ADAMTS14: variants seen among roughly 807,000 people sequenced by gnomAD.
ADAMTS14 encodes the protein ADAM metallopeptidase with thrombospondin type 1 motif 14, also known as A disintegrin and metalloproteinase with thrombospondin motifs 14.
In ADAMTS14, 100 loss-of-function variants were observed where a neutral mutation model predicts 128.6. The ratio of observed to expected loss-of-function variants is 0.78; its 90% confidence interval spans 0.66 to 0.92. ADAMTS14 has a LOEUF of 0.92. Among genes scored for constraint, ADAMTS14 ranks in the 40% least tolerant of loss-of-function variants. The pLI is 0.00. For synonymous variants in ADAMTS14, 665 were observed against 653.8 expected, an observed-to-expected ratio of 1.02 and a Z score of -0.26; for missense variants, 1,562 against 1,658.6, an observed-to-expected ratio of 0.94 and a Z score of 1.01.
rs764159665 is a variant in ADAMTS14 at position 70,753,905 on chromosome 10, G to A, written c.2835G>A (p.Lys945=). The A allele has an allele frequency of 1.9e-6, 3 of 1,591,658 alleles. No homozygotes were observed. The highest frequency in any genetic ancestry group is 1.8e-5 in the Admixed American group (1 of 56,382). ...CLLPLSNGTH[K]VMPAKACAGD... ...TGCCCCTCTCCAATGGAACCCACAAGGTCATGCCGGCCAAAGCCTGCGCCG... is the reference window on the plus strand; with the variant it reads ...TGCCCCTCTCCAATGGAACCCACAAAGTCATGCCGGCCAAAGCCTGCGCCG... Residue 945 remains lysine, a synonymous_variant, in exon 19 of 22, where the codon AAG becomes AAA. Coordinates refer to ENST00000373207, the MANE Select transcript of ADAMTS14 (RefSeq NM_080722.4).
intron 15 of ADAMTS14, among the ~76,000 whole-genome samples, chr10:70,747,482 G>C (rs371751587): frequency 6.6e-5 from 10 of 152,138 alleles, no homozygotes; most frequent in African/African-American, 2.4e-4. Context: ...GGGGCCGGGG[G>C]AGGGAAGGGG....
rs2132516301 is a variant in ADAMTS14, at chr10:70,672,726, C to A, written c.-77C>A. 2.2e-6 allele frequency: 3 copies of A among 1,392,598 alleles called. No homozygotes were observed. Among genetic ancestry groups the A allele is most frequent in the East Asian group, 3.1e-5 (1 of 32,388 alleles). The allele number at this position is 1,392,598 out of a possible 1,614,324, so 86.3% of individuals were successfully genotyped here. On this transcript the variant is annotated 5_prime_UTR_variant, in exon 1 of 22. Coordinates refer to ENST00000373207, the MANE Select transcript of ADAMTS14 (RefSeq NM_080722.4). The stretch of plus-strand genomic sequence containing the variant: ...CAGCCGGTGCTCCGACAGCCCGGGG[C>A]GCACCCTAGCCTCGCCGCCCTCAGC...
chr10:70,684,653 C>T lies in ADAMTS14; in HGVS notation c.522+9658C>T, dbSNP rs569848996. On this transcript the variant is annotated intron_variant, in intron 2 of 21. Coordinates refer to ENST00000373207, the MANE Select transcript of ADAMTS14 (RefSeq NM_080722.4). Reference sequence around the variant, plus strand: ...ATGCACTTAAAGTGCTGCCACAGTGCCTGGAGAAATAAAAGTTAGCATTTC... The same window carrying T: ...ATGCACTTAAAGTGCTGCCACAGTGTCTGGAGAAATAAAAGTTAGCATTTC... Among the ~76,000 whole-genome samples, 20 of 152,334 alleles carry T rather than the reference C, an allele frequency of 1.3e-4. No homozygotes were observed. In the South Asian group the frequency reaches 2.1e-3, roughly 16 times the overall value.
rs994770412 is a variant in ADAMTS14, at chr10:70,760,885, C to T, written c.*32C>T. ...CCCTGCCATCCCACTGGCACGTTTA[C>T]ACTCTGTGTACTGCCCCGTGACTCC... On this transcript the variant is annotated 3_prime_UTR_variant, in exon 22 of 22. Transcript: ENST00000373207. 6.5e-7 allele frequency: 1 copy of T among 1,541,520 alleles called. No homozygotes were observed. The highest frequency in any genetic ancestry group is 1.9e-5 in the Admixed American group (1 of 51,330).
At chr10:70,728,450 A>T (rs1008466860) in intron 4 of ADAMTS14, among the ~76,000 whole-genome samples, 12 of 152,224 alleles carry the variant, frequency 7.9e-5, no homozygotes, top group African/African-American at 2.7e-4. Flanking sequence ...AAAACAAAAA[A>T]GCTGGAGTAT....
Position 70,674,959 on chromosome 10 carries a change from TG to T in ADAMTS14, c.490del (p.Ala164GlnfsTer125). On this transcript the variant is annotated frameshift_variant, in exon 2 of 22. Transcript: ENST00000373207. LOFTEE classifies it high-confidence loss of function. ...ACACTGGAGGTGTCACTGGAATGCC[TG>T]GGGCAGCTGTTGCCATCAGCAACTG... ...VYTGGVTGMP[G>X]AAVAISNCDG... The T allele has an allele frequency of 6.2e-7, 1 of 1,613,028 alleles. No homozygotes were observed. The highest frequency in any genetic ancestry group is 8.5e-7 in the Non-Finnish European group (1 of 1,180,000).
At chr10:70,683,260 A>C (rs955985905) in intron 2 of ADAMTS14, among the ~76,000 whole-genome samples, 1 of 152,214 alleles carries the variant, frequency 6.6e-6, no homozygotes, top group Non-Finnish European at 1.5e-5. Flanking sequence ...TTCAGGGTGC[A>C]CACCCTCTCT....
chr10:70,741,209 C>A (rs759444748), intron 12 of ADAMTS14, 47 bp downstream of exon 12: 2 of 1,590,630 alleles, frequency 1.3e-6, no homozygotes, highest in Non-Finnish European at 1.7e-6. Context: ...TAGGCATCTG[C>A]GGGGGCTGTG....
chr10:70,753,449 C>T (rs1189322419), intron 18 of ADAMTS14, among the ~76,000 whole-genome samples: 19 of 152,186 alleles, frequency 1.2e-4, no homozygotes, highest in Non-Finnish European at 2.5e-4. Context: ...ACAGTGCTTG[C>T]GCCAGTGGGC....
chr10:70,708,022 A>G (rs539753042), intron 3 of ADAMTS14, among the ~76,000 whole-genome samples: 129 of 152,310 alleles, frequency 8.5e-4, no homozygotes, highest in African/African-American at 2.9e-3. Flanking sequence ...AATAAATGCT[A>G]TTTTGCTTTT....
intron 4 of ADAMTS14, among the ~76,000 whole-genome samples, chr10:70,716,225 G>GAGGCTA (rs1472812525): frequency 5.9e-5 from 9 of 152,256 alleles, no homozygotes; most frequent in African/African-American, 2.2e-4. Context: ...AAGGCCGCTA[G>GAGGCTA]AGGCTAGGTC....
chr10:70,716,059 C>T (rs1038477576), intron 4 of ADAMTS14, among the ~76,000 whole-genome samples: 1 of 152,202 alleles, frequency 6.6e-6, no homozygotes, highest in Non-Finnish European at 1.5e-5. Flanking sequence ...AAGCTGTGGC[C>T]GGGGAACATT....
At chr10:70,744,999 A>T (rs899300933) in intron 14 of ADAMTS14, among the ~76,000 whole-genome samples, 1 of 152,146 alleles carries the variant, frequency 6.6e-6, no homozygotes, top group Non-Finnish European at 1.5e-5. Flanking sequence ...AGCAGCTCTC[A>T]CACACACGGA....
At chr10:70,722,595 A>G (rs1387907402) in intron 4 of ADAMTS14, among the ~76,000 whole-genome samples, 5 of 152,166 alleles carry the variant, frequency 3.3e-5, no homozygotes, top group Non-Finnish European at 4.4e-5. Context: ...GGCAGGGAAT[A>G]TGCAAGATGA....
chr10:70,712,299 T>C (rs1840886974), intron 4 of ADAMTS14, among the ~76,000 whole-genome samples: 7 of 152,116 alleles, frequency 4.6e-5, no homozygotes, highest in Admixed American at 4.6e-4. Flanking sequence ...CCAAGAGTGG[T>C]AGGAACCTGG....
chr10:70,674,296 T>C (rs1316264774), intron 1 of ADAMTS14, among the ~76,000 whole-genome samples: 1 of 152,220 alleles, frequency 6.6e-6, no homozygotes, highest in Non-Finnish European at 1.5e-5. Context: ...CTGTCTGGTA[T>C]CATTTGCTTT....
chr10:70,708,682 C>T lies in ADAMTS14; in HGVS notation c.774C>T (p.Ser258=). The stretch of plus-strand genomic sequence containing the variant: ...AGCGGCGGCATGCCAAGCCAGGCAG[C>T]TACAGCATCGAGGTGCTGCTGGTGG... ...ERKRRHAKPG[S]YSIEVLLVVD... is the part of the protein sequence containing the mutation. The change falls in exon 4 of 22, where the codon AGC becomes AGT. Residue 258 remains serine (S), a synonymous_variant. Transcript: ENST00000373207. 6.2e-7 allele frequency: 1 copy of T among 1,613,880 alleles called. No homozygotes were observed. Among genetic ancestry groups the T allele is most frequent in the Non-Finnish European group, 8.5e-7 (1 of 1,179,952 alleles).
At chr10:70,726,182 A>G (rs1463825008) in intron 4 of ADAMTS14, among the ~76,000 whole-genome samples, 5 of 152,162 alleles carry the variant, frequency 3.3e-5, no homozygotes, top group African/African-American at 7.2e-5. Flanking sequence ...CTGTGATTCT[A>G]TCTCCTGCTC....
intron 15 of ADAMTS14, among the ~76,000 whole-genome samples, chr10:70,749,321 A>T (rs1415066396): frequency 6.6e-6 from 1 of 152,126 alleles, no homozygotes; most frequent in Non-Finnish European, 1.5e-5. Flanking sequence ...AACTGGGTAC[A>T]ATGATCATTC....
Sources: allele counts gnomAD v4.1 joint callset (sites outside exome capture counted in the v4.1 genomes callset), GRCh38; gene constraint gnomAD v4.1.1; transcripts MANE v1.5; gene names NCBI Gene and HGNC (gene_info 2026-07-23, HGNC 2026-07-21).